The following CDC14A variants were observed in gnomAD, a reference collection of about 807,000 sequenced individuals.
The protein encoded by CDC14A is dual specificity protein phosphatase CDC14A.
In CDC14A, 53 loss-of-function variants were observed where a neutral mutation model predicts 74.4. That is an observed-to-expected ratio of 0.71 (90% CI 0.57 to 0.89). The LOEUF (loss-of-function observed/expected upper bound fraction) is 0.89. CDC14A is among the 40% of genes least tolerant of loss of function. CDC14A has a pLI of 0.00. For synonymous variants in CDC14A, 247 were observed against 258.4 expected (o/e 0.96, Z 0.43); for missense variants, 646 against 713.7 (o/e 0.91, Z 1.08).
intron 6 of CDC14A, among the ~76,000 whole-genome samples, chr1:100,441,691 G>A (rs1339030022): frequency 5.9e-5 from 8 of 135,806 alleles, no homozygotes; most frequent in Non-Finnish European, 6.4e-5. Context: ...TAAATAATTT[G>A]TTCTGCTTAT....
chr1:100,518,532 G>T lies in CDC14A; in HGVS notation c.*252G>T. The stretch of plus-strand genomic sequence containing the variant: ...TAAAGACAGTTTTAATGTTGAATTT[G>T]GTATTTTGAAGGGTTATTTTTAATG... On this transcript the variant is annotated 3_prime_UTR_variant, in exon 16 of 16. Coordinates refer to ENST00000336454, the MANE Select transcript of CDC14A (RefSeq NM_003672.4). 2.5e-6 allele frequency: 1 copy of T among 404,682 alleles called. No homozygotes were observed. The highest frequency in any genetic ancestry group is 4.5e-6 in the Non-Finnish European group (1 of 224,200). 25.1% of individuals were successfully genotyped at this position (404,682 alleles called of 1,614,324 possible).
intron 4 of CDC14A, among the ~76,000 whole-genome samples, chr1:100,411,683 G>T (rs943655900): frequency 6.6e-6 from 1 of 152,144 alleles, no homozygotes; most frequent in Non-Finnish European, 1.5e-5. Flanking sequence ...CCTTTTGTGT[G>T]ATTCATTTGT....
chr1:100,499,216 C>G lies in CDC14A; in HGVS notation c.1709C>G (p.Thr570Ser), dbSNP rs1364459759. 1 of 1,614,204 alleles carries G rather than the reference C, an allele frequency of 6.2e-7. No homozygotes were observed. The change falls in exon 15 of 16, where the codon ACC becomes AGC. Residue 570 changes from threonine to serine, a missense_variant. Thr to Ser is a moderately conservative substitution (Grantham distance 58). Transcript: ENST00000336454. ...EHTTILRPSY[T>S]GLSSSSARFL... Reference sequence around the variant, plus strand: ...ACCACCATCCTCCGACCCTCCTACACCGGGCTTTCTTCTTCTTCAGCGAGA... The same window carrying G: ...ACCACCATCCTCCGACCCTCCTACAGCGGGCTTTCTTCTTCTTCAGCGAGA...
chr1:100,390,858 C>T, intron 4 of CDC14A, 34 bp downstream of exon 4: 1 of 1,466,948 alleles, frequency 6.8e-7, no homozygotes, highest in Non-Finnish European at 9.5e-7. Context: ...TTTCTATAAT[C>T]AGGCCAGTGA....
At chr1:100,379,060 A>G (rs1288547874) in intron 3 of CDC14A, among the ~76,000 whole-genome samples, 1 of 152,172 alleles carries the variant, frequency 6.6e-6, no homozygotes, top group African/African-American at 2.4e-5. Flanking sequence ...AGTCATTAGT[A>G]TGTAGTTGGT....
At chr1:100,455,832 G>A (rs990321163) in intron 8 of CDC14A, among the ~76,000 whole-genome samples, 2 of 152,176 alleles carry the variant, frequency 1.3e-5, no homozygotes, top group East Asian at 1.9e-4. Context: ...TTATTTGTTG[G>A]TAGAGTGCTA....
At chr1:100,459,126 C>G (rs78993796) in intron 8 of CDC14A, among the ~76,000 whole-genome samples, 6,789 of 144,366 alleles carry the variant, frequency 0.047, 220 homozygotes, top group African/African-American at 0.076. Flanking sequence ...CACACACACA[C>G]AGAGAGAGAG....
At chr1:100,348,970 G>A (rs535616694), upstream of CDC14A, among the ~76,000 whole-genome samples, 19 of 152,238 alleles carry the variant, frequency 1.2e-4, no homozygotes, top group Admixed American at 8.5e-4. Context: ...TGAGGCGGGC[G>A]GATTACTTGA....
At chr1:100,427,490 T>G (rs551405247) in intron 5 of CDC14A, among the ~76,000 whole-genome samples, 1 of 152,352 alleles carries the variant, frequency 6.6e-6, no homozygotes, top group Non-Finnish European at 1.5e-5. Context: ...CAGTCACTTC[T>G]GTAAAGCCTT....
Position 100,499,258 on chromosome 1 carries a change from T to A in CDC14A, c.1751T>A (p.Ile584Asn). 6.2e-7 allele frequency: 1 copy of A among 1,614,164 alleles called. No individual in the cohort carries two copies. The highest frequency in any genetic ancestry group is 8.5e-7 in the Non-Finnish European group (1 of 1,180,020). The change falls in exon 15 of 16, where the codon ATC (isoleucine) becomes AAC (asparagine). Residue 584 changes from isoleucine (I) to asparagine (N), a missense_variant. Physicochemically the swap from Ile to Asn is moderately radical, Grantham distance 149 (BLOSUM62 -3). Coordinates refer to ENST00000336454, the MANE Select transcript of CDC14A (RefSeq NM_003672.4). ...SSSARFLSRSIPSLQSEYVHY is the reference protein window; with the variant it reads ...SSSARFLSRSNPSLQSEYVHY ...TCAGCGAGATTCCTGAGCCGTTCTA[T>A]CCCTGTAAGTGCGCAGACACCACCT...
chr1:100,438,074 G>A (rs1664543172), intron 5 of CDC14A, among the ~76,000 whole-genome samples: 1 of 151,830 alleles, frequency 6.6e-6, no homozygotes, highest in South Asian at 2.1e-4. Flanking sequence ...ATAAACTGTA[G>A]TAGCATTAGC....
At chr1:100,409,088 A>G (rs1354887161) in intron 4 of CDC14A, among the ~76,000 whole-genome samples, 2 of 152,216 alleles carry the variant, frequency 1.3e-5, no homozygotes, top group African/African-American at 2.4e-5. Flanking sequence ...ACAGTTTCAC[A>G]TGACTGGGGA....
intron 10 of CDC14A, among the ~76,000 whole-genome samples, chr1:100,476,935 T>TTC (rs1349302892): frequency 1.3e-5 from 2 of 152,160 alleles, no homozygotes; most frequent in African/African-American, 4.8e-5. Flanking sequence ...CACAGTGTCC[T>TTC]TAGAAGAGGG....
chr1:100,516,571 G>A (rs28364918), intron 15 of CDC14A, among the ~76,000 whole-genome samples: 1,659 of 152,052 alleles, frequency 0.011, 27 homozygotes, highest in African/African-American at 0.038. Flanking sequence ...ACACATACAC[G>A]CACAACATAC....
intron 15 of CDC14A, among the ~76,000 whole-genome samples, chr1:100,505,329 C>T (rs1197484929): frequency 6.6e-6 from 1 of 151,786 alleles, no homozygotes; most frequent in African/African-American, 2.4e-5. Flanking sequence ...TGGATGTTTT[C>T]CACCTCAAAT....
chr1:100,349,296 A>G (rs1325324845), upstream of CDC14A, among the ~76,000 whole-genome samples: 1 of 152,104 alleles, frequency 6.6e-6, no homozygotes, highest in Non-Finnish European at 1.5e-5. Context: ...CAGTTGAGCG[A>G]TATGTAAACT....
intron 2 of CDC14A, 36 bp from the exon 3 acceptor site, chr1:100,377,510 C>G: frequency 7.0e-7 from 1 of 1,422,428 alleles, no homozygotes; most frequent in East Asian, 2.3e-5. Context: ...TATACTTTGA[C>G]TAAATACTAC....
intron 7 of CDC14A, among the ~76,000 whole-genome samples, chr1:100,452,935 TA>T (rs1368283880): frequency 6.6e-6 from 1 of 152,212 alleles, no homozygotes; most frequent in Non-Finnish European, 1.5e-5. Context: ...TTATTATTGA[TA>T]AACATTGACA....
rs1651213356 is a variant in CDC14A at position 100,352,590 on chromosome 1, C to T, written c.-365C>T. The T allele has an allele frequency of 2.7e-6, 3 of 1,106,166 alleles. No homozygotes were observed. Among genetic ancestry groups the T allele is most frequent in the Non-Finnish European group, 3.3e-6 (3 of 906,172 alleles). 68.5% of individuals were successfully genotyped at this position (1,106,166 alleles called of 1,614,324 possible). On this transcript the variant is annotated 5_prime_UTR_variant, in exon 1 of 16. Transcript: ENST00000336454. ...GGGCGCGATCGGGACCAGAAGTCTC[C>T]TCCTCCATGATCACTTTGGAAGCCG...
Sources: allele counts gnomAD v4.1 joint callset (sites outside exome capture counted in the v4.1 genomes callset), GRCh38; gene constraint gnomAD v4.1.1; transcripts MANE v1.5; gene names NCBI Gene and HGNC (gene_info 2026-07-23, HGNC 2026-07-21).